The following KIRREL3 variants were observed in gnomAD, a reference collection of about 807,000 sequenced individuals.
KIRREL3 encodes the protein kin of IRRE-like protein 3.
Under a neutral mutation model 89.7 loss-of-function variants are expected in KIRREL3, and 36 were observed. The ratio of observed to expected loss-of-function variants is 0.40; its 90% CI spans 0.31 to 0.53. The LOEUF is 0.53. Among genes scored for constraint, KIRREL3 ranks in the 20% least tolerant of loss-of-function variants. KIRREL3 has a pLI of 0.49. For missense variants in KIRREL3, 864 were observed against 1,056.6 expected (o/e 0.82, Z 2.53); for synonymous variants, 445 against 441.4 (o/e 1.01, Z -0.10).
chr11:126,887,278 T>C (rs1945736627), intron 1 of KIRREL3, among the ~76,000 whole-genome samples: 1 of 152,156 alleles, frequency 6.6e-6, no homozygotes, highest in Admixed American at 6.5e-5. Context: ...CCCGTGAGTA[T>C]TAGAGCAAGC....
intron 1 of KIRREL3, among the ~76,000 whole-genome samples, chr11:126,927,691 CA>C (rs2135033909): frequency 6.6e-6 from 1 of 152,258 alleles, no homozygotes; most frequent in African/African-American, 2.4e-5. Context: ...CTCTGTCTTC[CA>C]CCTCCTGAAT....
At chr11:126,473,933 A>G (rs958922041) in intron 4 of KIRREL3, among the ~76,000 whole-genome samples, 1 of 151,290 alleles carries the variant, frequency 6.6e-6, no homozygotes, top group African/African-American at 2.4e-5. Context: ...AGCTGGGACT[A>G]CAAGCACGTG....
chr11:126,488,035 T>C (rs1035793461), intron 4 of KIRREL3, among the ~76,000 whole-genome samples: 43 of 152,370 alleles, frequency 2.8e-4, no homozygotes, highest in Non-Finnish European at 7.3e-5. Context: ...TGAGGTGGGA[T>C]GGGGCTGGTT....
intron 4 of KIRREL3, among the ~76,000 whole-genome samples, chr11:126,500,426 A>C (rs753122293): frequency 6.6e-6 from 1 of 152,144 alleles, no homozygotes; most frequent in Admixed American, 6.5e-5. Context: ...GCTACAAGCG[A>C]CTCACATTAA....
rs1275446521 is a variant in KIRREL3, at chr11:126,606,674, A to C, written c.56-43762T>G. Among the ~76,000 whole-genome samples the C allele has an allele frequency of 1.3e-5, 2 of 152,092 alleles. No homozygotes were observed. Among genetic ancestry groups the C allele is most frequent in the Non-Finnish European group, 2.9e-5 (2 of 68,016 alleles). ...CTCCAGTCAGTTTCCAAGCTGCATA[A>C]CTTGGTTCAAGGTTGGCAGTGAGGG... is the stretch of plus-strand genomic sequence containing the variant. On this transcript the variant is annotated intron_variant, in intron 1 of 16. Coordinates refer to ENST00000525144, the MANE Select transcript of KIRREL3 (RefSeq NM_032531.4). The surrounding 1 kb of genome is among the most constrained non-coding windows in gnomAD (Gnocchi z 4.6).
In KIRREL3 at chr11:126,892,395, G is replaced by C. The variant is rs897931638; in HGVS notation, c.55+108060C>G. On this transcript the variant is annotated intron_variant, in intron 1 of 16. Transcript: ENST00000525144. This position sits in a 1 kb window ranked among gnomAD's most constrained non-coding sequence, Gnocchi z 5.4. ...TTGTGGTTTGTAAGTTTTATGACTC[G>C]ATTTTAATCTGTACCATTTAGGATA... Among the ~76,000 whole-genome samples, 1 of 152,056 alleles carries C rather than the reference G, an allele frequency of 6.6e-6. No homozygotes were observed. Among genetic ancestry groups the C allele is most frequent in the Admixed American group, 6.5e-5 (1 of 15,268 alleles).
Position 126,531,885 on chromosome 11 carries a change from G to C in KIRREL3, c.134-5198C>G, listed in dbSNP as rs985094335. Among the ~76,000 whole-genome samples, 1 of 152,168 alleles carries C rather than the reference G, an allele frequency of 6.6e-6. No homozygotes were observed. The highest frequency in any genetic ancestry group is 2.4e-5 in the African/African-American group (1 of 41,430). On this transcript the variant is annotated intron_variant, in intron 2 of 16. Transcript: ENST00000525144. The surrounding 1 kb of genome is among the most constrained non-coding windows in gnomAD (Gnocchi z 4.7). ...TGTCACATGTGCCTTTGTACTTAGAGTTTGCCTGCTCTGGTTGGTCTGCTG... is the reference window on the plus strand; with the variant it reads ...TGTCACATGTGCCTTTGTACTTAGACTTTGCCTGCTCTGGTTGGTCTGCTG...
chr11:126,733,477 G>A (rs1948699940), intron 1 of KIRREL3, among the ~76,000 whole-genome samples: 1 of 152,154 alleles, frequency 6.6e-6, no homozygotes, highest in African/African-American at 2.4e-5. Flanking sequence ...GATCTGGATT[G>A]TTTTCCTTCT....
intron 1 of KIRREL3, among the ~76,000 whole-genome samples, chr11:126,972,594 G>A (rs931950884): frequency 3.9e-5 from 6 of 152,154 alleles, no homozygotes; most frequent in East Asian, 1.9e-4. Context: ...TTCTGACCAC[G>A]GTCTGGGATA....
At position 126,436,931 on chromosome 11, in the gene KIRREL3, C is replaced by A. The variant is rs764989083; in HGVS notation, c.1432G>T (p.Gly478Cys). 2 of 1,612,636 alleles carry A rather than the reference C, an allele frequency of 1.2e-6. No individual in the cohort carries two copies. The highest frequency in any genetic ancestry group is 1.7e-5 in the Admixed American group (1 of 59,962). The change falls in exon 12 of 17, where the codon GGC becomes TGC. Residue 478 changes from glycine to cysteine, a missense_variant. By Grantham distance (159) the Gly-to-Cys change is radical. Transcript: ENST00000525144. ...YTVETISTEE[G>C]VISTLTISNI... ...CTGATGGTCAGGGTGGAGATGACGC[C>A]CTCCTCGGTGCTGATGGTCTCCACC...
rs1484600585 is a variant in KIRREL3, at chr11:126,579,378, T to C, written c.56-16466A>G. ...CCTGAGACTGTAGCTCCTCATTTCC[T>C]AAATCCTCCTGCTTGTTGTCTGAGC... is the stretch of plus-strand genomic sequence containing the variant. On this transcript the variant is annotated intron_variant, in intron 1 of 16. Transcript: ENST00000525144. This position sits in a 1 kb window ranked among gnomAD's most constrained non-coding sequence, Gnocchi z 5.3. Among the ~76,000 whole-genome samples, 1 of 152,218 alleles carries C rather than the reference T, an allele frequency of 6.6e-6. No individual in the cohort carries two copies. The highest frequency in any genetic ancestry group is 1.5e-5 in the Non-Finnish European group (1 of 68,044).
In KIRREL3 at chr11:126,831,250, G is replaced by A. The variant is rs190358199; in HGVS notation, c.55+169205C>T. On this transcript the variant is annotated intron_variant, in intron 1 of 16. Transcript: ENST00000525144. ...ACTATTATCCCACCTATTCACTGGTGTGAGATCACCTTCACCAAGGTAATG... is the reference window on the plus strand; with the variant it reads ...ACTATTATCCCACCTATTCACTGGTATGAGATCACCTTCACCAAGGTAATG... Among the ~76,000 whole-genome samples, 94 of 152,320 alleles carry A rather than the reference G, an allele frequency of 6.2e-4. No homozygotes were observed. In the Middle Eastern group the frequency reaches 0.01, roughly 17 times the overall value.
intron 1 of KIRREL3, among the ~76,000 whole-genome samples, chr11:126,781,120 G>T (rs932403875): frequency 2.0e-5 from 3 of 152,158 alleles, no homozygotes; most frequent in Admixed American, 2.0e-4. Flanking sequence ...GTGAGTGGGG[G>T]TCACGTTTTC....
intron 1 of KIRREL3, among the ~76,000 whole-genome samples, chr11:126,854,018 T>A (rs1944424538): frequency 6.6e-6 from 1 of 151,962 alleles, no homozygotes; most frequent in Admixed American, 6.6e-5. Context: ...CTTACAGCAT[T>A]CAGGGAAAAG....
In KIRREL3 at chr11:126,696,490, G is replaced by C. The variant is rs1371704872; in HGVS notation, c.56-133578C>G. 1.3e-5 allele frequency among the ~76,000 whole-genome samples: 2 copies of C among 152,028 alleles called. No homozygotes were observed. The highest frequency in any genetic ancestry group is 2.9e-5 in the Non-Finnish European group (2 of 68,020). ...AGCCTGCAAACTCCCACAGCTGTAC[G>C]CAGGCATGTGGCCTCTTGCCTCGAC... On this transcript the variant is annotated intron_variant, in intron 1 of 16. Coordinates refer to ENST00000525144, the MANE Select transcript of KIRREL3 (RefSeq NM_032531.4). This position sits in a 1 kb window ranked among gnomAD's most constrained non-coding sequence, Gnocchi z 4.4.
rs1958096596 is a variant in KIRREL3 at position 126,508,434 on chromosome 11, G to A, written c.433+12881C>T. On this transcript the variant is annotated intron_variant, in intron 4 of 16. Transcript: ENST00000525144. This position sits in a 1 kb window ranked among gnomAD's most constrained non-coding sequence, Gnocchi z 4.9. Reference sequence around the variant, plus strand: ...GGCAAATGAATGCTGCGGGTCTCGGGGCTCCCCAGGTCCATCTGAGGAGGA... The same window carrying A: ...GGCAAATGAATGCTGCGGGTCTCGGAGCTCCCCAGGTCCATCTGAGGAGGA... 2.0e-5 allele frequency among the ~76,000 whole-genome samples: 3 copies of A among 152,150 alleles called. No homozygotes were observed. The South Asian group carries it at 6.2e-4, about 32-fold the overall frequency.
chr11:126,546,605 G>A (rs147263815), intron 2 of KIRREL3, among the ~76,000 whole-genome samples: 385 of 152,334 alleles, frequency 2.5e-3, no homozygotes, highest in African/African-American at 8.7e-3. Context: ...TCGGTGACAT[G>A]CTCATGCAAG....
In KIRREL3 at chr11:126,776,369, C is replaced by T. The variant is rs142897290; in HGVS notation, c.56-213457G>A. Among the ~76,000 whole-genome samples the T allele has an allele frequency of 2.7e-4, 41 of 152,292 alleles. 1 individual carries two copies. In the East Asian group the frequency reaches 6.8e-3, roughly 25 times the overall value. On this transcript the variant is annotated intron_variant, in intron 1 of 16. Transcript: ENST00000525144. The surrounding 1 kb of genome is among the most constrained non-coding windows in gnomAD (Gnocchi z 4.7). ...ACACCTGGGCTTCAGGTCTGTCTTA[C>T]GCAAGTCATGAAACCTCACTGAACC...
chr11:126,928,052 A>G (rs2095221700), intron 1 of KIRREL3, among the ~76,000 whole-genome samples: 2 of 152,256 alleles, frequency 1.3e-5, no homozygotes, highest in South Asian at 4.1e-4. Flanking sequence ...AGGCTCCAAG[A>G]TGGCGTCTCA....
Sources: allele counts gnomAD v4.1 joint callset (sites outside exome capture counted in the v4.1 genomes callset), GRCh38; gene constraint gnomAD v4.1.1; non-coding constraint Gnocchi (gnomAD v3.1); transcripts MANE v1.5; gene names NCBI Gene and HGNC (gene_info 2026-07-23, HGNC 2026-07-21).